The following OR2L13 variants were observed in gnomAD, a reference collection of about 807,000 sequenced individuals.
The protein encoded by OR2L13 is olfactory receptor 2L13.
OR2L13 carries 14 observed loss-of-function variants against 15.3 expected under a neutral mutation model. The ratio of observed to expected loss-of-function variants is 0.91; its 90% CI spans 0.60 to 1.43. The LOEUF is 1.43. Ranked by LOEUF, OR2L13 falls within the 40% of genes most tolerant of loss-of-function variation. The pLI, the probability that OR2L13 is intolerant of heterozygous loss-of-function variation, is 0.00. For missense variants in OR2L13, 367 were observed against 387.9 expected, an observed-to-expected ratio of 0.95 and a Z score of 0.45; for synonymous variants, 152 against 142.9, an observed-to-expected ratio of 1.06 and a Z score of -0.45.
rs1050136220 is a variant in OR2L13, at chr1:248,099,711, A to C, written c.336A>C (p.Leu112Phe). Reference sequence around the variant, plus strand: ...TGACCATGGCGTGTTCTGAAGGCTTACTCCTGACCTCCATGGCCTACGACC... The same window carrying C: ...TGACCATGGCGTGTTCTGAAGGCTTCCTCCTGACCTCCATGGCCTACGACC... Residue 112 changes from leucine (L) to phenylalanine (F), a missense_variant, in exon 3 of 3, where the codon TTA (leucine) becomes TTC (phenylalanine). Leu to Phe is a conservative substitution (Grantham distance 22, BLOSUM62 0). Coordinates refer to ENST00000641714, the Ensembl canonical transcript of OR2L13. The C allele has an allele frequency of 5.6e-6, 9 of 1,613,536 alleles. No homozygotes were observed. The Admixed American group carries it at 1.2e-4, about 21-fold the overall frequency.
chr1:248,024,051 T>G, the OR2L13 span: 1 of 152,108 alleles, frequency 6.6e-6, no homozygotes, highest in South Asian at 2.1e-4. Flanking sequence ...ATTTGTTTAT[T>G]TTGTTTATTT....
the OR2L13 span, among the ~76,000 whole-genome samples, chr1:247,937,736 C>T: frequency 1.3e-5 from 2 of 152,270 alleles, no homozygotes; most frequent in Non-Finnish European, 2.9e-5. Context: ...GAGCGCCTCT[C>T]CCCTAAGTAA....
At chr1:248,072,543 T>G in the OR2L13 span, among the ~76,000 whole-genome samples, 6 of 152,048 alleles carry the variant, frequency 3.9e-5, no homozygotes, top group East Asian at 1.2e-3. Flanking sequence ...AACCTAGGCA[T>G]TACCATTCAG....
chr1:248,018,484 A>T, the OR2L13 span, among the ~76,000 whole-genome samples: 1 of 152,228 alleles, frequency 6.6e-6, no homozygotes, highest in Non-Finnish European at 1.5e-5. Flanking sequence ...GACATATATG[A>T]AAATAATTTG....
At chr1:247,937,238 G>A in the OR2L13 span, 1 of 153,260 alleles carries the variant, frequency 6.5e-6, no homozygotes, top group African/African-American at 2.4e-5. Context: ...TTTGGCAGTA[G>A]TGGGCGTGCT....
the OR2L13 span, among the ~76,000 whole-genome samples, chr1:248,024,747 C>T: frequency 1.3e-5 from 2 of 152,078 alleles, no homozygotes; most frequent in Non-Finnish European, 2.9e-5. Flanking sequence ...GAGGGCTCTG[C>T]TCTGTTCCAT....
the OR2L13 span, among the ~76,000 whole-genome samples, chr1:247,955,144 T>C: frequency 6.7e-6 from 1 of 149,020 alleles, no homozygotes; most frequent in African/African-American, 2.5e-5. Flanking sequence ...TTCCCCTTCC[T>C]GTGTCCATGT....
At chr1:247,957,897 C>A in the OR2L13 span, among the ~76,000 whole-genome samples, 1 of 152,120 alleles carries the variant, frequency 6.6e-6, no homozygotes, top group East Asian at 1.9e-4. Context: ...AAACCAGCTC[C>A]TGGATTCATT....
the OR2L13 span, chr1:248,060,925 T>C: frequency 0.013 from 21,739 of 1,613,954 alleles, 196 homozygotes; most frequent in Non-Finnish European, 0.017. Flanking sequence ...TAAGATGGCA[T>C]CTGATTTTCT....
intron 1 of OR2L13, among the ~76,000 whole-genome samples, chr1:248,097,917 C>A (rs1034633901): frequency 8.5e-5 from 13 of 152,220 alleles, no homozygotes; most frequent in Admixed American, 2.6e-4. Context: ...ATCATTCTAT[C>A]CCCACTGCCT....
the OR2L13 span, among the ~76,000 whole-genome samples, chr1:247,983,315 T>A: frequency 1.2e-4 from 18 of 152,232 alleles, no homozygotes; most frequent in Non-Finnish European, 2.5e-4. Flanking sequence ...TTATCCTTCC[T>A]TTCATGCCAG....
the OR2L13 span, among the ~76,000 whole-genome samples, chr1:248,012,046 C>CCAAA: frequency 6.6e-6 from 1 of 152,128 alleles, no homozygotes; most frequent in Admixed American, 6.6e-5. Flanking sequence ...AAAATATAAA[C>CCAAA]CAAACAGCTC....
chr1:248,022,924 T>A, the OR2L13 span: 2 of 1,554,230 alleles, frequency 1.3e-6, no homozygotes, highest in Non-Finnish European at 1.7e-6. Context: ...GCTAGGTTCA[T>A]ATCAACTCAG....
chr1:248,032,577 TGG>T, the OR2L13 span, among the ~76,000 whole-genome samples: 1 of 152,196 alleles, frequency 6.6e-6, no homozygotes, highest in Admixed American at 6.5e-5. Flanking sequence ...TTGACTACTC[TGG>T]GTACTTCCTG....
chr1:247,963,516 A>G, the OR2L13 span, among the ~76,000 whole-genome samples: 6 of 152,174 alleles, frequency 3.9e-5, no homozygotes, highest in African/African-American at 7.2e-5. Context: ...CTGAATTCCT[A>G]TCTCAGGAAT....
At chr1:247,981,821 T>TG in the OR2L13 span, among the ~76,000 whole-genome samples, 5 of 151,864 alleles carry the variant, frequency 3.3e-5, no homozygotes, top group Non-Finnish European at 5.9e-5. Context: ...ATAACAATTT[T>TG]TTTTTTTTTT....
the OR2L13 span, among the ~76,000 whole-genome samples, chr1:247,954,990 C>T: frequency 1.3e-5 from 2 of 151,884 alleles, no homozygotes; most frequent in Middle Eastern, 3.4e-3. Flanking sequence ...GGTACATGTG[C>T]ATAACGTGCA....
At chr1:248,038,886 G>T in the OR2L13 span, 15 of 1,613,994 alleles carry the variant, frequency 9.3e-6, no homozygotes, top group Non-Finnish European at 1.3e-5. Flanking sequence ...CATCTTTCTT[G>T]TGCTTCCTTT....
the OR2L13 span, among the ~76,000 whole-genome samples, chr1:248,044,497 C>T: frequency 1.3e-5 from 2 of 152,080 alleles, no homozygotes; most frequent in Non-Finnish European, 2.9e-5. Flanking sequence ...ATCACGCATC[C>T]GGACTCCTTA....
Sources: allele counts gnomAD v4.1 joint callset (sites outside exome capture counted in the v4.1 genomes callset), GRCh38; gene constraint gnomAD v4.1.1; transcripts MANE v1.5; gene names NCBI Gene and HGNC (gene_info 2026-07-23, HGNC 2026-07-21).